MORC3: variants seen among roughly 807,000 people sequenced by gnomAD.
MORC3 encodes MORC family CW-type zinc finger 3.
MORC3 carries 31 observed loss-of-function variants against 109.1 expected under a neutral mutation model. The ratio of observed to expected loss-of-function variants is 0.28; its 90% CI spans 0.21 to 0.38. The LOEUF (loss-of-function observed/expected upper bound fraction) is 0.38. MORC3 is among the 10% of genes least tolerant of loss of function. MORC3 has a pLI of 1.00. For missense variants in MORC3, 867 were observed against 1,135.8 expected (o/e 0.76, Z 3.40); for synonymous variants, 395 against 380.7 (o/e 1.04, Z -0.44).
At chr21:36,337,997 TTGGAAACA>T (rs759438193) in intron 4 of MORC3, 51 bp downstream of exon 4, 4 of 1,576,620 alleles carry the variant, frequency 2.5e-6, no homozygotes, top group Admixed American at 1.8e-5. Context: ...AAGAAATAAT[TTGGAAACA>T]TTCTATGTTT....
chr21:36,365,455 T>G (rs1333918002), intron 14 of MORC3, among the ~76,000 whole-genome samples: 5 of 152,244 alleles, frequency 3.3e-5, no homozygotes, highest in Non-Finnish European at 5.9e-5. Context: ...CAGATTTTTT[T>G]TGAGATGTTT....
chr21:36,372,353 G>C (rs1253265901), intron 15 of MORC3, 21 bp from the exon 16 acceptor site: 1 of 1,536,090 alleles, frequency 6.5e-7, no homozygotes, highest in African/African-American at 1.4e-5. Flanking sequence ...CAGTTATAAA[G>C]CTCATTTATA....
intron 10 of MORC3, among the ~76,000 whole-genome samples, chr21:36,358,691 T>G (rs78483131): frequency 6.6e-6 from 1 of 151,938 alleles, no homozygotes; most frequent in Non-Finnish European, 1.5e-5. Context: ...CTTTTTTTTT[T>G]GTTTTTGAGG....
chr21:36,366,966 C>G (rs570729219), intron 14 of MORC3, among the ~76,000 whole-genome samples: 1 of 152,216 alleles, frequency 6.6e-6, no homozygotes, highest in African/African-American at 2.4e-5. Context: ...ATGGTAGAAA[C>G]CAGTTTACGC....
chr21:36,360,119 G>A (rs780114538), intron 11 of MORC3, 42 bp downstream of exon 11: 2 of 1,614,130 alleles, frequency 1.2e-6, no homozygotes, highest in Admixed American at 3.3e-5. Flanking sequence ...AAGACGGAAA[G>A]TACTGTTCAC....
chr21:36,373,587 C>T (rs991310394), intron 16 of MORC3, among the ~76,000 whole-genome samples: 1 of 151,626 alleles, frequency 6.6e-6, no homozygotes, highest in Non-Finnish European at 1.5e-5. Context: ...CGCGCCATCA[C>T]GCTGTGGCCT....
rs527666302 is a variant in MORC3, at chr21:36,320,415, G to T, written c.39+112G>T. 57 of 1,084,528 alleles carry T rather than the reference G, an allele frequency of 5.3e-5. No individual in the cohort carries two copies. The African/African-American group carries it at 8.8e-4, about 17-fold the overall frequency. The allele number at this position is 1,084,528 out of a possible 1,614,324, so 67.2% of individuals were successfully genotyped here. On this transcript the variant is annotated intron_variant, in intron 1 of 16. Transcript: ENST00000400485. ...TTGTGGGGCCGACGCGGCGGCGGGG[G>T]CTGCGGCGGGGCCCGGGGAGGGGGC...
At chr21:36,340,638 C>CTTTTT (rs34899654) in intron 5 of MORC3, among the ~76,000 whole-genome samples, 45 of 123,622 alleles carry the variant, frequency 3.6e-4, no homozygotes, top group South Asian at 9.5e-4. Flanking sequence ...TTCTTTCTTT[C>CTTTTT]TTTTTTTTTT....
intron 9 of MORC3, among the ~76,000 whole-genome samples, chr21:36,351,989 CTT>C (rs1270601615): frequency 6.6e-6 from 1 of 152,088 alleles, no homozygotes; most frequent in Non-Finnish European, 1.5e-5. Flanking sequence ...ATGTCAGTCT[CTT>C]ATCATAGAAT....
At position 36,375,228 on chromosome 21, in the gene MORC3, G is replaced by A. The variant is rs2085916539; in HGVS notation, c.2752G>A (p.Asp918Asn). 3 of 1,613,818 alleles carry A rather than the reference G, an allele frequency of 1.9e-6. No individual in the cohort carries two copies. Among genetic ancestry groups the A allele is most frequent in the South Asian group, 1.1e-5 (1 of 91,068 alleles). Residue 918 changes from aspartate (D) to asparagine (N), a missense_variant, in exon 17 of 17, where the codon GAT becomes AAT. Physicochemically the swap from Asp to Asn is conservative, Grantham distance 23 (BLOSUM62 1). Transcript: ENST00000400485. ...PDLDLQQVNY[D>N]VDVVDEILGQ... ...TCTTGATCTTCAGCAAGTGAATTAC[G>A]ATGTTGATGTAGTTGATGAGATTTT... is the stretch of plus-strand genomic sequence containing the variant.
In MORC3 at chr21:36,369,692, A is replaced by C; in HGVS notation, c.2324A>C (p.Gln775Pro). ...GACCATATGGTATCTCAGTATCAGCAAGCTTTGGAAGAAATAGAAAGGCTG... is the reference window on the plus strand; with the variant it reads ...GACCATATGGTATCTCAGTATCAGCCAGCTTTGGAAGAAATAGAAAGGCTG... ...SPDHMVSQYQ[Q>P]ALEEIERLKK... Residue 775 changes from glutamine to proline, a missense_variant, in exon 15 of 17, where the codon CAA becomes CCA. By Grantham distance (76) the Gln-to-Pro change is moderately conservative. Coordinates refer to ENST00000400485, the MANE Select transcript of MORC3 (RefSeq NM_015358.3). 2 of 1,614,212 alleles carry C rather than the reference A, an allele frequency of 1.2e-6. No homozygotes were observed. The highest frequency in any genetic ancestry group is 8.5e-7 in the Non-Finnish European group (1 of 1,180,040).
Position 36,341,487 on chromosome 21 carries a change from G to A in MORC3, c.697G>A (p.Gly233Arg). 1 of 1,614,062 alleles carries A rather than the reference G, an allele frequency of 6.2e-7. No individual in the cohort carries two copies. The highest frequency in any genetic ancestry group is 8.5e-7 in the Non-Finnish European group (1 of 1,179,990). ...EDLDEITGKKGYKKQERMDQI... is the reference protein window; with the variant it reads ...EDLDEITGKKRYKKQERMDQI... ...TTTAGATGAGATAACAGGGAAGAAG[G>A]GGTACAAGAAGCAGGAAAGGATGGA... The change falls in exon 6 of 17, where the codon GGG (glycine) becomes AGG (arginine). Residue 233 changes from glycine (G) to arginine (R), a missense_variant. By Grantham distance (125) the Gly-to-Arg change is moderately radical. Coordinates refer to ENST00000400485, the MANE Select transcript of MORC3 (RefSeq NM_015358.3).
intron 13 of MORC3, among the ~76,000 whole-genome samples, chr21:36,363,838 T>C (rs1404063412): frequency 6.6e-6 from 1 of 152,226 alleles, no homozygotes; most frequent in Non-Finnish European, 1.5e-5. Context: ...ATAAAGTCTC[T>C]GTTGCATATT....
chr21:36,329,138 CA>C (rs2085283965), intron 1 of MORC3, among the ~76,000 whole-genome samples: 1 of 151,776 alleles, frequency 6.6e-6, no homozygotes, highest in South Asian at 2.1e-4. Context: ...ACCAAAAATA[CA>C]AAAAAATTAG....
rs1431151016 is a variant in MORC3 at position 36,375,427 on chromosome 21, C to G, written c.*131C>G. On this transcript the variant is annotated 3_prime_UTR_variant, in exon 17 of 17. Transcript: ENST00000400485. ...ACCATAATCTTTACTGTATTCTATG[C>G]ATTCAAATGTGGTCACAAATATTGT... The G allele has an allele frequency of 1.3e-6, 1 of 776,420 alleles. No individual in the cohort carries two copies. Among genetic ancestry groups the G allele is most frequent in the East Asian group, 2.9e-5 (1 of 34,800 alleles). The allele number at this position is 776,420 out of a possible 1,614,324, so 48.1% of individuals were successfully genotyped here.
intron 1 of MORC3, among the ~76,000 whole-genome samples, chr21:36,329,779 C>CT (rs2085293338): frequency 6.6e-6 from 1 of 152,126 alleles, no homozygotes; most frequent in African/African-American, 2.4e-5. Context: ...TTGAAATTGC[C>CT]TTGCAAAGTT....
chr21:36,335,269 A>C (rs970789280), intron 2 of MORC3, among the ~76,000 whole-genome samples: 15 of 152,064 alleles, frequency 9.9e-5, no homozygotes, highest in African/African-American at 3.4e-4. Context: ...TTTATCAAGG[A>C]AGGGTTCTAT....
chr21:36,353,520 C>T (rs563241728), intron 9 of MORC3, among the ~76,000 whole-genome samples: 1 of 151,526 alleles, frequency 6.6e-6, no homozygotes, highest in East Asian at 2.0e-4. Context: ...GTGGGTAGAT[C>T]ACTTGAGATT....
At position 36,337,718 on chromosome 21, in the gene MORC3, T is replaced by A. The variant is rs772453312; in HGVS notation, c.246-14T>A. 3.9e-6 allele frequency: 6 copies of A among 1,543,996 alleles called. No individual in the cohort carries two copies. The highest frequency in any genetic ancestry group is 5.2e-6 in the Non-Finnish European group (6 of 1,145,090). ...ATAGGTATTTATTTTTAAAAATCTT[T>A]ATTTTCTTCTTAGCTTTGGCTTCAG... On this transcript the variant is annotated splice_polypyrimidine_tract_variant and intron_variant, in intron 3 of 16. Transcript: ENST00000400485.
Sources: gnomAD v4.1 joint callset for allele counts (sites outside exome capture counted in the v4.1 genomes callset) on GRCh38, gnomAD v4.1.1 for gene constraint, MANE v1.5 for transcripts, NCBI Gene and HGNC (gene_info 2026-07-23, HGNC 2026-07-21) for gene names.